The following CSMD1 variants were observed in gnomAD, a reference collection of about 807,000 sequenced individuals.
CSMD1 encodes CUB and Sushi multiple domains 1.
CSMD1 carries 213 observed loss-of-function variants against 417.5 expected under a neutral mutation model. The observed-to-expected ratio is 0.51, with a 90% CI of 0.46 to 0.57. The LOEUF is 0.57. Ranked by LOEUF, CSMD1 falls within the 20% of genes least tolerant of loss-of-function variation. The probability of loss-of-function intolerance (pLI) is 0.00; values close to 1 mark genes in which losing one functional copy is unlikely to be tolerated. For synonymous variants in CSMD1, 2,862 were observed against 1,736.8 expected (o/e 1.65, Z -16.11); for missense variants, 6,923 against 4,529.7 (o/e 1.53, Z -15.17).
Position 2,937,170 on chromosome 8 carries a change from G to C in CSMD1, c.*1415C>G, listed in dbSNP as rs1051809062. On this transcript the variant is annotated 3_prime_UTR_variant, in exon 70 of 70. Coordinates refer to ENST00000635120, the MANE Select transcript of CSMD1 (RefSeq NM_033225.6). ...CCTGGGGATCTTATAGATTTTATTTGCATCATAACTTATCATTTACCTATA... is the reference window on the plus strand; with the variant it reads ...CCTGGGGATCTTATAGATTTTATTTCCATCATAACTTATCATTTACCTATA... 2 of 151,904 alleles carry C rather than the reference G, an allele frequency of 1.3e-5. No individual in the cohort carries two copies. The highest frequency in any genetic ancestry group is 2.9e-5 in the Non-Finnish European group (2 of 67,998). The allele number at this position is 151,904 out of a possible 1,614,324, so 9.4% of individuals were successfully genotyped here.
rs150961199 is a variant in CSMD1 at position 3,094,287 on chromosome 8, A to G, written c.7138+2562T>C. Among the ~76,000 whole-genome samples, 545 of 151,908 alleles carry G rather than the reference A, an allele frequency of 3.6e-3. 3 individuals carry two copies. Among genetic ancestry groups the G allele is most frequent in the African/African-American group, 0.013 (523 of 41,448 alleles). On this transcript the variant is annotated intron_variant, in intron 47 of 69. Coordinates refer to ENST00000635120, the MANE Select transcript of CSMD1 (RefSeq NM_033225.6). ...CGCCCAGCTAACTTTTGTATTTTTT[A>G]GCAGAGACGGTTTCACCACGCTGGC...
intron 3 of CSMD1, 29 bp downstream of exon 3, chr8:4,419,924 G>C (rs747463962): frequency 7.4e-7 from 1 of 1,343,200 alleles, no homozygotes; most frequent in Non-Finnish European, 1.0e-6. Flanking sequence ...GACAGTGAAT[G>C]CATGTGCAAA....
At chr8:3,900,236 GAGCTGGGTAACAGGGC>G (rs1807643946) in intron 5 of CSMD1, among the ~76,000 whole-genome samples, 2 of 151,344 alleles carry the variant, frequency 1.3e-5, no homozygotes, top group South Asian at 4.2e-4. Context: ...GTTAACAGTG[GAGCTGGGTAACAGGGC>G]AGCTGGGTGA....
rs1299571868 is a variant in CSMD1, at chr8:4,952,187, G to A, written c.85+42145C>T. Among the ~76,000 whole-genome samples, 6 of 152,054 alleles carry A rather than the reference G, an allele frequency of 3.9e-5. No individual in the cohort carries two copies. In the East Asian group the frequency reaches 5.8e-4, roughly 15 times the overall value. ...CACACACCTCTCCTACACAGGAAAA[G>A]TAATGTAATCAAAACGTAAATAAAG... is the stretch of plus-strand genomic sequence containing the variant. On this transcript the variant is annotated intron_variant, in intron 1 of 69. Transcript: ENST00000635120.
intron 9 of CSMD1, among the ~76,000 whole-genome samples, chr8:3,575,624 A>T (rs1800119647): frequency 6.6e-6 from 1 of 152,206 alleles, no homozygotes; most frequent in African/African-American, 2.4e-5. Context: ...ATTCTATTCT[A>T]CAATAAACTA....
At chr8:4,051,448 A>T (rs559804143) in intron 3 of CSMD1, among the ~76,000 whole-genome samples, 11 of 152,076 alleles carry the variant, frequency 7.2e-5, no homozygotes, top group Non-Finnish European at 1.3e-4. Flanking sequence ...CTTTGGCAGA[A>T]TTCAAAGCGC....
At chr8:3,117,487 C>T (rs1816940537) in intron 42 of CSMD1, among the ~76,000 whole-genome samples, 1 of 152,182 alleles carries the variant, frequency 6.6e-6, no homozygotes, top group Non-Finnish European at 1.5e-5. Flanking sequence ...GATACAAGTG[C>T]TTAGCATTTC....
chr8:4,543,436 C>T (rs1303574959), intron 2 of CSMD1, among the ~76,000 whole-genome samples: 1 of 152,026 alleles, frequency 6.6e-6, no homozygotes, highest in Non-Finnish European at 1.5e-5. Flanking sequence ...TAGCATTGTG[C>T]AGTTAAGTTT....
Position 4,329,210 on chromosome 8 carries a change from A to C in CSMD1, c.415+90743T>G, listed in dbSNP as rs1351182739. Reference sequence around the variant, plus strand: ...ACAAGTATAGAGATGTTTCCAATACAAATTATTTGGACCTTATCAGTGTTG... The same window carrying C: ...ACAAGTATAGAGATGTTTCCAATACCAATTATTTGGACCTTATCAGTGTTG... On this transcript the variant is annotated intron_variant, in intron 3 of 69. Coordinates refer to ENST00000635120, the MANE Select transcript of CSMD1 (RefSeq NM_033225.6). Among the ~76,000 whole-genome samples, 11 of 152,348 alleles carry C rather than the reference A, an allele frequency of 7.2e-5. 1 individual carries two copies. The South Asian group carries it at 2.3e-3, about 32-fold the overall frequency.
intron 1 of CSMD1, among the ~76,000 whole-genome samples, chr8:4,670,413 G>A (rs907693732): frequency 1.3e-5 from 2 of 152,166 alleles, no homozygotes; most frequent in Admixed American, 6.6e-5. Context: ...GAAAGAAAAT[G>A]TGTGTTTTGG....
At chr8:3,901,830 G>A (rs1009011465) in intron 5 of CSMD1, among the ~76,000 whole-genome samples, 1 of 152,268 alleles carries the variant, frequency 6.6e-6, no homozygotes, top group South Asian at 2.1e-4. Flanking sequence ...TTCTTTGTTT[G>A]CATCCTGATA....
intron 1 of CSMD1, among the ~76,000 whole-genome samples, chr8:4,747,892 C>G (rs1329737808): frequency 6.6e-6 from 1 of 152,216 alleles, no homozygotes; most frequent in African/African-American, 2.4e-5. Flanking sequence ...TCTGTTGTTG[C>G]TTTAAGCAAA....
chr8:3,196,202 G>C (rs1585623549), intron 33 of CSMD1, among the ~76,000 whole-genome samples: 1 of 152,262 alleles, frequency 6.6e-6, no homozygotes, highest in East Asian at 1.9e-4. Context: ...CACGATGACA[G>C]TTTACAAATG....
chr8:4,060,879 C>T (rs1438100324), intron 3 of CSMD1, among the ~76,000 whole-genome samples: 1 of 151,890 alleles, frequency 6.6e-6, no homozygotes, highest in Non-Finnish European at 1.5e-5. Context: ...AAAACAAAGG[C>T]AAAAAATAAA....
chr8:3,592,166 A>G (rs1800878352), intron 8 of CSMD1, among the ~76,000 whole-genome samples: 1 of 152,150 alleles, frequency 6.6e-6, no homozygotes, highest in African/African-American at 2.4e-5. Context: ...CCATCTGGTT[A>G]GGTAGATAGA....
intron 3 of CSMD1, among the ~76,000 whole-genome samples, chr8:4,419,522 CTT>C (rs943372025): frequency 3.6e-4 from 55 of 152,254 alleles, no homozygotes; most frequent in African/African-American, 1.3e-3. Context: ...AATTTTCTCT[CTT>C]AAAAATTTCA....
intron 23 of CSMD1, among the ~76,000 whole-genome samples, chr8:3,335,858 A>C (rs549041307): frequency 1.3e-5 from 2 of 152,256 alleles, no homozygotes; most frequent in Admixed American, 1.3e-4. Flanking sequence ...GGGCTCAGAG[A>C]GGTGAATTCA....
At chr8:4,330,843 C>G (rs1308229013) in intron 3 of CSMD1, among the ~76,000 whole-genome samples, 1 of 152,108 alleles carries the variant, frequency 6.6e-6, no homozygotes, top group African/African-American at 2.4e-5. Flanking sequence ...TCATATCCCA[C>G]CTTCCCAGAT....
intron 5 of CSMD1, among the ~76,000 whole-genome samples, chr8:3,912,894 T>C (rs779632185): frequency 1.6e-4 from 24 of 152,108 alleles, no homozygotes; most frequent in Non-Finnish European, 3.4e-4. Flanking sequence ...TGAATGAAGA[T>C]CAATTAATCA....
Sources: allele counts gnomAD v4.1 joint callset (sites outside exome capture counted in the v4.1 genomes callset), GRCh38; gene constraint gnomAD v4.1.1; transcripts MANE v1.5; gene names NCBI Gene and HGNC (gene_info 2026-07-23, HGNC 2026-07-21).